CTDP1: variants seen among roughly 807,000 people sequenced by gnomAD.
CTDP1 encodes RNA polymerase II subunit A C-terminal domain phosphatase.
In CTDP1, 47 loss-of-function variants were observed where a neutral mutation model predicts 91.8. The ratio of observed to expected loss-of-function variants is 0.51; its 90% CI spans 0.41 to 0.65. The LOEUF is 0.65. CTDP1 is among the 30% of genes least tolerant of loss of function. CTDP1 has a pLI of 0.00. For missense variants in CTDP1, 1,272 were observed against 1,373.7 expected (o/e 0.93, Z 1.17); for synonymous variants, 656 against 598.5 (o/e 1.10, Z -1.40).
intron 12 of CTDP1, among the ~76,000 whole-genome samples, chr18:79,751,783 G>T (rs1026011522): frequency 2.0e-5 from 3 of 152,210 alleles, no homozygotes; most frequent in African/African-American, 7.2e-5. Flanking sequence ...CTGTGTGTGT[G>T]TGTGGCTGTA....
At chr18:79,686,904 G>C (rs1272962361) in intron 1 of CTDP1, among the ~76,000 whole-genome samples, 2 of 149,798 alleles carry the variant, frequency 1.3e-5, no homozygotes, top group African/African-American at 4.9e-5. Flanking sequence ...CAGTTCACTG[G>C]TGGGCCTGCA....
intron 1 of CTDP1, among the ~76,000 whole-genome samples, chr18:79,689,791 CAT>C (rs2085582099): frequency 1.3e-5 from 2 of 152,190 alleles, no homozygotes; most frequent in South Asian, 2.1e-4. Context: ...AAATAAGTAA[CAT>C]GTCTATTTAG....
rs114380453 is a variant in CTDP1, at chr18:79,734,346, G to T, written c.2581-2009G>T. ...TTTTGTAAAAACAAGCCCAGGAAAGGTAGGTGTCGTTCCCACATCAGTGTG... is the reference window on the plus strand; with the variant it reads ...TTTTGTAAAAACAAGCCCAGGAAAGTTAGGTGTCGTTCCCACATCAGTGTG... On this transcript the variant is annotated intron_variant, in intron 11 of 12. Transcript: ENST00000613122. Among the ~76,000 whole-genome samples the T allele has an allele frequency of 3.6e-4, 55 of 152,256 alleles. 1 individual carries two copies. The highest frequency in any genetic ancestry group is 1.0e-4 in the Non-Finnish European group (7 of 68,042).
At chr18:79,705,820 C>A (rs927623905) in intron 5 of CTDP1, among the ~76,000 whole-genome samples, 10 of 152,112 alleles carry the variant, frequency 6.6e-5, no homozygotes, top group Non-Finnish European at 7.4e-5. Flanking sequence ...ATATTTAGTG[C>A]CTTTATAGGA....
intron 2 of CTDP1, 56 bp downstream of exon 2, chr18:79,695,364 C>T (rs537407251): frequency 1.4e-5 from 21 of 1,509,570 alleles, no homozygotes; most frequent in South Asian, 7.9e-5. Flanking sequence ...TGGTGGCCTC[C>T]GGGGAGTCCG....
Position 79,753,706 on chromosome 18 carries a change from G to A in CTDP1, c.2802G>A (p.Glu934=). Reference sequence around the variant, plus strand: ...ACGCCGCCAGCGAGTCCAGCAGGGAGTCCAGCAACGAGGATGAGGGCAGCA... The same window carrying A: ...ACGCCGCCAGCGAGTCCAGCAGGGAATCCAGCAACGAGGATGAGGGCAGCA... ...EEDAASESSR[E]SSNEDEGSSS... is the part of the protein sequence containing the mutation. The change falls in exon 13 of 13, where the codon GAG becomes GAA. Residue 934 remains glutamate (E), a synonymous_variant. Transcript: ENST00000613122. 1.2e-6 allele frequency: 2 copies of A among 1,614,144 alleles called. No homozygotes were observed. Among genetic ancestry groups the A allele is most frequent in the Non-Finnish European group, 1.7e-6 (2 of 1,179,986 alleles).
At chr18:79,715,601 C>T in intron 8 of CTDP1, 73 bp downstream of exon 8, 2 of 1,393,708 alleles carry the variant, frequency 1.4e-6, no homozygotes, top group Non-Finnish European at 1.9e-6. Flanking sequence ...TTAGAGTTGG[C>T]ATTGCTGTTT....
chr18:79,690,665 G>A (rs947645953), intron 1 of CTDP1, among the ~76,000 whole-genome samples: 4 of 152,172 alleles, frequency 2.6e-5, no homozygotes, highest in Admixed American at 2.6e-4. Context: ...TCTGCACGCG[G>A]GTTTCCCAGC....
Position 79,679,852 on chromosome 18 carries a change from A to G in CTDP1, c.-96A>G, listed in dbSNP as rs913607865. 16 of 1,175,738 alleles carry G rather than the reference A, an allele frequency of 1.4e-5. 1 individual carries two copies. Among genetic ancestry groups the G allele is most frequent in the Non-Finnish European group, 1.8e-5 (16 of 893,988 alleles). 72.8% of individuals were successfully genotyped at this position (1,175,738 alleles called of 1,614,324 possible). The stretch of plus-strand genomic sequence containing the variant: ...GTGGAAGCCGGTACCGAGAGGAACT[A>G]CAGCGTCGCCGCCTGGGTTGTGTCG... On this transcript the variant is annotated 5_prime_UTR_variant, in exon 1 of 13. Coordinates refer to ENST00000613122, the MANE Select transcript of CTDP1 (RefSeq NM_004715.5).
chr18:79,746,928 G>C (rs2086894556), intron 12 of CTDP1, among the ~76,000 whole-genome samples: 1 of 152,144 alleles, frequency 6.6e-6, no homozygotes, highest in Admixed American at 6.5e-5. Flanking sequence ...CGTGCCCACT[G>C]TGCCTACCGT....
intron 5 of CTDP1, among the ~76,000 whole-genome samples, chr18:79,705,489 T>C (rs2085948574): frequency 6.6e-6 from 1 of 151,382 alleles, no homozygotes. Context: ...CCGTCTGTCC[T>C]TCATGGACAA....
At chr18:79,716,891 A>G (rs535541967) in intron 8 of CTDP1, among the ~76,000 whole-genome samples, 1 of 152,364 alleles carries the variant, frequency 6.6e-6, no homozygotes, top group East Asian at 1.9e-4. Context: ...CCCGTCTGAG[A>G]TCCACCCCTT....
Position 79,736,824 on chromosome 18 carries a change from G to A in CTDP1, c.2747+303G>A, listed in dbSNP as rs77416799. On this transcript the variant is annotated intron_variant, in intron 12 of 12. Coordinates refer to ENST00000613122, the MANE Select transcript of CTDP1 (RefSeq NM_004715.5). The stretch of plus-strand genomic sequence containing the variant: ...ACAGGCGTGTGGTGGGGGTATGCAC[G>A]TGTGCGCAGGCATGTGTGAGGTGTC... Among the ~76,000 whole-genome samples, 5,892 of 151,488 alleles carry A rather than the reference G, an allele frequency of 0.039. 185 individuals are homozygous for A. Among genetic ancestry groups the A allele is most frequent in the South Asian group, 0.16 (746 of 4,754 alleles).
chr18:79,684,255 C>G (rs662111), intron 1 of CTDP1, among the ~76,000 whole-genome samples: 143,053 of 152,326 alleles, frequency 0.94, 67,822 homozygotes, highest in East Asian at 1. Flanking sequence ...GAGGAGCAGA[C>G]TACGCGCTGC....
chr18:79,677,695 G>A (rs969122534), upstream of CTDP1: 2 of 152,296 alleles, frequency 1.3e-5, no homozygotes, highest in African/African-American at 4.8e-5. Flanking sequence ...GTCTGTAAAT[G>A]TTGCCCATGC....
chr18:79,694,150 G>A (rs4799077), intron 1 of CTDP1, among the ~76,000 whole-genome samples: 107,984 of 146,200 alleles, frequency 0.74, 39,942 homozygotes, highest in Non-Finnish European at 0.79. Context: ...CGGCTGGGAC[G>A]GGAGTGTGGG....
At chr18:79,677,185 G>A (rs188066033), upstream of CTDP1, 1 of 152,410 alleles carries the variant, frequency 6.6e-6, no homozygotes, top group East Asian at 1.9e-4. Flanking sequence ...TTCACACAGT[G>A]AGTGTGGAGC....
chr18:79,740,811 C>T (rs915269323), intron 12 of CTDP1, among the ~76,000 whole-genome samples: 8 of 152,206 alleles, frequency 5.3e-5, no homozygotes, highest in Non-Finnish European at 1.0e-4. Flanking sequence ...TATATGCAGC[C>T]GCCTGCCGGG....
Position 79,710,327 on chromosome 18 carries a change from T to C in CTDP1, c.773-19T>C, listed in dbSNP as rs780558065. ...ACGTGTCTCAGGTATGTAATCTTTGTCCTGTTTTCTTTTCCAAGGCTTTTT... is the reference window on the plus strand; with the variant it reads ...ACGTGTCTCAGGTATGTAATCTTTGCCCTGTTTTCTTTTCCAAGGCTTTTT... On this transcript the variant is annotated intron_variant, in intron 5 of 12. Coordinates refer to ENST00000613122, the MANE Select transcript of CTDP1 (RefSeq NM_004715.5). 2.5e-6 allele frequency: 4 copies of C among 1,596,476 alleles called. No individual in the cohort carries two copies. The highest frequency in any genetic ancestry group is 3.3e-5 in the Admixed American group (2 of 59,960).
Sources: gnomAD v4.1 joint callset for allele counts (sites outside exome capture counted in the v4.1 genomes callset) on GRCh38, gnomAD v4.1.1 for gene constraint, MANE v1.5 for transcripts, NCBI Gene and HGNC (gene_info 2026-07-23, HGNC 2026-07-21) for gene names.